The following GABRB1 variants were observed in gnomAD, a reference collection of about 807,000 sequenced individuals.
The protein encoded by GABRB1 is gamma-aminobutyric acid type A receptor subunit beta1.
Under a neutral mutation model 51.6 loss-of-function variants are expected in GABRB1, and 17 were observed. The observed-to-expected ratio is 0.33, with a 90% CI of 0.23 to 0.49. The LOEUF (loss-of-function observed/expected upper bound fraction) is 0.49. Among genes scored for constraint, GABRB1 ranks in the 20% least tolerant of loss-of-function variants. GABRB1 has a pLI of 0.99. For missense variants in GABRB1, 410 were observed against 600.6 expected (o/e 0.68, Z 3.32); for synonymous variants, 247 against 218.9 (o/e 1.13, Z -1.14).
At chr4:47,009,354 AG>A (rs971699872) in intron 1 of GABRB1, among the ~76,000 whole-genome samples, 25 of 152,188 alleles carry the variant, frequency 1.6e-4, no homozygotes, top group African/African-American at 6.0e-4. Context: ...AATAATTAAA[AG>A]TTTTAAAAAC....
intron 4 of GABRB1, among the ~76,000 whole-genome samples, chr4:47,185,470 T>C (rs1356683728): frequency 6.6e-6 from 1 of 151,842 alleles, no homozygotes; most frequent in Admixed American, 6.6e-5. Context: ...CATGCAGTAA[T>C]GAATTTAGTT....
intron 5 of GABRB1, among the ~76,000 whole-genome samples, chr4:47,333,245 G>C (rs917735487): frequency 7.6e-6 from 1 of 131,096 alleles, no homozygotes; most frequent in South Asian, 2.3e-4. Flanking sequence ...TACACACCAC[G>C]TATTAATATG....
At chr4:47,086,439 T>C (rs1202010782) in intron 3 of GABRB1, among the ~76,000 whole-genome samples, 2 of 152,186 alleles carry the variant, frequency 1.3e-5, no homozygotes, top group Non-Finnish European at 1.5e-5. Flanking sequence ...TTCTTTTATA[T>C]TAGACTTTTT....
chr4:47,323,491 A>G lies in GABRB1; in HGVS notation c.544+3282A>G, dbSNP rs191281404. ...CATGTATTTTTTTAACTTTTCACAA[A>G]GAAACGTGTTATTTTCTGAAACAGC... On this transcript the variant is annotated intron_variant, in intron 5 of 8. Transcript: ENST00000295454. 2.3e-4 allele frequency among the ~76,000 whole-genome samples: 35 copies of G among 152,342 alleles called. No homozygotes were observed. In the East Asian group the frequency reaches 6.4e-3, roughly 28 times the overall value.
At chr4:47,058,306 T>C (rs1274366297) in intron 3 of GABRB1, among the ~76,000 whole-genome samples, 7 of 152,116 alleles carry the variant, frequency 4.6e-5, no homozygotes, top group Non-Finnish European at 8.8e-5. Context: ...GCAAATAGAT[T>C]GGGAAAAAGT....
intron 1 of GABRB1, among the ~76,000 whole-genome samples, chr4:47,002,985 G>C (rs1724276800): frequency 6.6e-6 from 1 of 152,168 alleles, no homozygotes; most frequent in Non-Finnish European, 1.5e-5. Flanking sequence ...ACCACAAAAA[G>C]TTATTTATTG....
intron 1 of GABRB1, among the ~76,000 whole-genome samples, chr4:47,009,534 A>G (rs1246823323): frequency 6.6e-6 from 1 of 152,166 alleles, no homozygotes; most frequent in Non-Finnish European, 1.5e-5. Flanking sequence ...AGAAGAAAAA[A>G]ATAGAACTTG....
intron 3 of GABRB1, among the ~76,000 whole-genome samples, chr4:47,123,259 ATGTG>A (rs1003289894): frequency 2.1e-5 from 3 of 143,770 alleles, no homozygotes; most frequent in African/African-American, 5.1e-5. Flanking sequence ...ACATATGTGT[ATGTG>A]TGTGTGTGTA....
intron 3 of GABRB1, among the ~76,000 whole-genome samples, chr4:47,092,746 G>A (rs930396702): frequency 3.3e-5 from 5 of 151,882 alleles, no homozygotes; most frequent in Admixed American, 1.3e-4. Context: ...CGAGTGGCTG[G>A]GATTACAGGT....
intron 3 of GABRB1, among the ~76,000 whole-genome samples, chr4:47,061,391 G>C (rs1726839828): frequency 6.6e-6 from 1 of 152,112 alleles, no homozygotes; most frequent in African/African-American, 2.4e-5. Flanking sequence ...TTTTGGTTTG[G>C]TAGATTCGGA....
chr4:47,222,031 C>T (rs28653395), intron 4 of GABRB1, among the ~76,000 whole-genome samples: 2,030 of 152,086 alleles, frequency 0.013, 35 homozygotes, highest in African/African-American at 0.046. Flanking sequence ...ATCAAAATTA[C>T]GAATGATAAT....
intron 4 of GABRB1, among the ~76,000 whole-genome samples, chr4:47,263,196 T>TAATACATAAATA (rs1553867952): frequency 1.6e-4 from 24 of 149,376 alleles, no homozygotes; most frequent in African/African-American, 5.9e-4. Flanking sequence ...AGTATAATAA[T>TAATACATAAATA]AATAAATAAA....
intron 5 of GABRB1, among the ~76,000 whole-genome samples, chr4:47,381,581 A>G (rs562472935): frequency 3.8e-4 from 58 of 152,262 alleles, no homozygotes; most frequent in African/African-American, 1.3e-3. Context: ...CCATTCTCCC[A>G]AACAGTGGAA....
At chr4:47,094,542 T>C (rs1281057401) in intron 3 of GABRB1, among the ~76,000 whole-genome samples, 1 of 151,986 alleles carries the variant, frequency 6.6e-6, no homozygotes, top group Non-Finnish European at 1.5e-5. Context: ...AATTCTTACG[T>C]GTTAAGATTT....
intron 5 of GABRB1, among the ~76,000 whole-genome samples, chr4:47,339,715 A>C (rs1725815742): frequency 6.6e-6 from 1 of 152,122 alleles, no homozygotes; most frequent in African/African-American, 2.4e-5. Context: ...GAAAGTGGCG[A>C]AGCCCAGACT....
At chr4:47,369,449 AC>A (rs1727110460) in intron 5 of GABRB1, among the ~76,000 whole-genome samples, 1 of 152,026 alleles carries the variant, frequency 6.6e-6, no homozygotes, top group African/African-American at 2.4e-5. Flanking sequence ...ACACACACAC[AC>A]ACACACACAC....
chr4:47,076,740 C>A (rs1019307883), intron 3 of GABRB1, among the ~76,000 whole-genome samples: 1 of 152,182 alleles, frequency 6.6e-6, no homozygotes, highest in African/African-American at 2.4e-5. Flanking sequence ...CCCTGTAGGA[C>A]AGACTAAATC....
intron 8 of GABRB1, among the ~76,000 whole-genome samples, chr4:47,409,307 A>G (rs1045685730): frequency 2.0e-5 from 3 of 152,184 alleles, no homozygotes; most frequent in East Asian, 1.9e-4. Context: ...ATCAGGTCAC[A>G]TGGACAAGTT....
intron 3 of GABRB1, among the ~76,000 whole-genome samples, chr4:47,119,612 G>T (rs190543731): frequency 2.6e-4 from 39 of 151,560 alleles, no homozygotes; most frequent in African/African-American, 8.5e-4. Context: ...GGGTTCAAGC[G>T]ATTCTGCTGC....
Sources: allele counts gnomAD v4.1 joint callset (sites outside exome capture counted in the v4.1 genomes callset), GRCh38; gene constraint gnomAD v4.1.1; transcripts MANE v1.5; gene names NCBI Gene and HGNC (gene_info 2026-07-23, HGNC 2026-07-21).